CAMTA1: variants seen among roughly 807,000 people sequenced by gnomAD.
CAMTA1 encodes calmodulin binding transcription activator 1.
Under a neutral mutation model 170.9 loss-of-function variants are expected in CAMTA1, and 27 were observed. The ratio of observed to expected loss-of-function variants is 0.16; its 90% confidence interval spans 0.12 to 0.22. The LOEUF (loss-of-function observed/expected upper bound fraction) is 0.22. Among genes scored for constraint, CAMTA1 ranks in the 10% least tolerant of loss-of-function variants. The probability of loss-of-function intolerance (pLI) is 1.00; values close to 1 mark genes in which losing one functional copy is unlikely to be tolerated. For synonymous variants in CAMTA1, 833 were observed against 891.5 expected, an observed-to-expected ratio of 0.93 and a Z score of 1.17; for missense variants, 1,619 against 2,217.2, an observed-to-expected ratio of 0.73 and a Z score of 5.42.
intron 3 of CAMTA1, among the ~76,000 whole-genome samples, chr1:6,985,319 A>G (rs1303456392): frequency 1.3e-5 from 2 of 152,356 alleles, no homozygotes; most frequent in East Asian, 1.9e-4. Flanking sequence ...AGGAGCTGGC[A>G]TCTGAGTCTG....
chr1:7,594,762 A>T (rs1176984008), intron 6 of CAMTA1, among the ~76,000 whole-genome samples: 1 of 152,238 alleles, frequency 6.6e-6, no homozygotes, highest in Non-Finnish European at 1.5e-5. Flanking sequence ...AGAGCAACAC[A>T]TGGATTCAGA....
intron 3 of CAMTA1, among the ~76,000 whole-genome samples, chr1:6,995,814 C>A (rs914209493): frequency 6.6e-6 from 1 of 152,112 alleles, no homozygotes; most frequent in Non-Finnish European, 1.5e-5. Context: ...TGGATCAGAG[C>A]CTTTGCTGTG....
Position 7,603,698 on chromosome 1 carries a change from A to G in CAMTA1, c.511-36702A>G, listed in dbSNP as rs557502599. 5.5e-3 allele frequency among the ~76,000 whole-genome samples: 841 copies of G among 152,196 alleles called. 4 individuals are homozygous for G. The highest frequency in any genetic ancestry group is 8.5e-3 in the Non-Finnish European group (577 of 68,014). On this transcript the variant is annotated intron_variant, in intron 6 of 22. Transcript: ENST00000303635. ...CCCATTTACACTTAAGGTTAATATT[A>G]TTATGTGTGAATTTGATCCTGTCAT...
intron 3 of CAMTA1, among the ~76,000 whole-genome samples, chr1:7,023,580 G>A (rs1354854422): frequency 6.6e-6 from 1 of 152,136 alleles, no homozygotes; most frequent in Admixed American, 6.5e-5. Flanking sequence ...ACTTGAATAG[G>A]AGATAATGGG....
At chr1:7,283,578 A>G (rs1188540753) in intron 5 of CAMTA1, among the ~76,000 whole-genome samples, 5 of 152,158 alleles carry the variant, frequency 3.3e-5, no homozygotes, top group Non-Finnish European at 7.4e-5. Flanking sequence ...GGACTCCCCT[A>G]AGTCCAAACC....
rs898032989 is a variant in CAMTA1, at chr1:7,665,377, C to T, written c.2652+178C>T. 3.3e-5 allele frequency among the ~76,000 whole-genome samples: 5 copies of T among 152,200 alleles called. No individual in the cohort carries two copies. Among genetic ancestry groups the T allele is most frequent in the East Asian group, 3.8e-4 (2 of 5,200 alleles). ...GGCGCTTGAACACCTCCGTCTTTCA[C>T]GCAGTGGTTCTCAAACTTCACTGGG... On this transcript the variant is annotated intron_variant, in intron 9 of 22. Coordinates refer to ENST00000303635, the MANE Select transcript of CAMTA1 (RefSeq NM_015215.4). This position sits in a 1 kb window ranked among gnomAD's most constrained non-coding sequence, Gnocchi z 4.3.
rs182788687 is a variant in CAMTA1 at position 6,988,431 on chromosome 1, A to G, written c.235-102873A>G. On this transcript the variant is annotated intron_variant, in intron 3 of 22. Transcript: ENST00000303635. ...TTGCTGCAAATTAACAATCTGACTT[A>G]TATACAATAAAAACCCGAGTATTGT... is the stretch of plus-strand genomic sequence containing the variant. 2.0e-3 allele frequency among the ~76,000 whole-genome samples: 309 copies of G among 152,306 alleles called. 2 individuals are homozygous for G. The highest frequency in any genetic ancestry group is 0.01 in the Middle Eastern group (3 of 294).
At chr1:7,438,545 C>T (rs1031322238) in intron 5 of CAMTA1, among the ~76,000 whole-genome samples, 6 of 152,144 alleles carry the variant, frequency 3.9e-5, no homozygotes, top group Non-Finnish European at 8.8e-5. Flanking sequence ...CCATCATCCA[C>T]CACTGGCCCC....
chr1:7,223,660 T>C (rs1023833479), intron 4 of CAMTA1, among the ~76,000 whole-genome samples: 17 of 152,046 alleles, frequency 1.1e-4, no homozygotes, highest in Non-Finnish European at 1.0e-4. Flanking sequence ...TAAATAGTAA[T>C]GCAAAGGGAC....
At chr1:7,424,182 A>G (rs549086150) in intron 5 of CAMTA1, among the ~76,000 whole-genome samples, 79 of 152,250 alleles carry the variant, frequency 5.2e-4, no homozygotes, top group Non-Finnish European at 8.2e-4. Flanking sequence ...GCTGCCCCTC[A>G]GGTGCAGCCA....
At chr1:7,544,376 C>T (rs1274506667) in intron 6 of CAMTA1, among the ~76,000 whole-genome samples, 1 of 152,196 alleles carries the variant, frequency 6.6e-6, no homozygotes, top group Non-Finnish European at 1.5e-5. Flanking sequence ...GAGTACAATT[C>T]AAGATGAGAT....
chr1:7,661,436 C>T (rs2095956556), intron 7 of CAMTA1, among the ~76,000 whole-genome samples: 1 of 152,350 alleles, frequency 6.6e-6, no homozygotes, highest in Middle Eastern at 3.4e-3. Flanking sequence ...CTCGTGCACT[C>T]TGACTTTAGG....
chr1:7,233,078 G>A (rs1295957554), intron 4 of CAMTA1, among the ~76,000 whole-genome samples: 3 of 151,974 alleles, frequency 2.0e-5, no homozygotes, highest in African/African-American at 7.3e-5. Context: ...CCACCAGAAT[G>A]TGAGAAGCTT....
At chr1:7,321,581 GCTCC>G (rs1678428520) in intron 5 of CAMTA1, among the ~76,000 whole-genome samples, 1 of 152,198 alleles carries the variant, frequency 6.6e-6, no homozygotes, top group Admixed American at 6.5e-5. Flanking sequence ...GCATGCCCAA[GCTCC>G]TAGGCCCTTT....
chr1:7,036,568 G>A (rs191601657), intron 3 of CAMTA1, among the ~76,000 whole-genome samples: 2 of 152,346 alleles, frequency 1.3e-5, no homozygotes, highest in East Asian at 3.9e-4. Context: ...CTGATGTCAT[G>A]CAGTGAGTCA....
In CAMTA1 at chr1:7,506,058, A is replaced by G. The variant is rs372705273; in HGVS notation, c.510+38157A>G. Among the ~76,000 whole-genome samples the G allele has an allele frequency of 8.3e-4, 127 of 152,272 alleles. No homozygotes were observed. The South Asian group carries it at 0.025, about 30-fold the overall frequency. On this transcript the variant is annotated intron_variant, in intron 6 of 22. Coordinates refer to ENST00000303635, the MANE Select transcript of CAMTA1 (RefSeq NM_015215.4). ...GTGATGACAGAACGGCCCAGACCAGAGGGAAGCGGAGGGTGGAGAATCGCA... is the reference window on the plus strand; with the variant it reads ...GTGATGACAGAACGGCCCAGACCAGGGGGAAGCGGAGGGTGGAGAATCGCA...
At chr1:7,460,599 C>G (rs889643301) in intron 5 of CAMTA1, among the ~76,000 whole-genome samples, 1 of 151,990 alleles carries the variant, frequency 6.6e-6, no homozygotes, top group Admixed American at 6.6e-5. Flanking sequence ...GACTGCCCCC[C>G]CCAACCCCAG....
At chr1:7,375,920 C>T (rs892802766) in intron 5 of CAMTA1, among the ~76,000 whole-genome samples, 5 of 152,208 alleles carry the variant, frequency 3.3e-5, no homozygotes, top group African/African-American at 7.2e-5. Flanking sequence ...CAGGAAGCAG[C>T]GGACTGGGGC....
chr1:7,638,802 G>T (rs532976990), intron 6 of CAMTA1, among the ~76,000 whole-genome samples: 1 of 152,124 alleles, frequency 6.6e-6, no homozygotes, highest in Non-Finnish European at 1.5e-5. Flanking sequence ...GCTGCCTTCT[G>T]GGGGGACCAT....
Sources: gnomAD v4.1 joint callset for allele counts (sites outside exome capture counted in the v4.1 genomes callset) on GRCh38, gnomAD v4.1.1 for gene constraint, Gnocchi (gnomAD v3.1) non-coding constraint, MANE v1.5 for transcripts, NCBI Gene and HGNC (gene_info 2026-07-23, HGNC 2026-07-21) for gene names.